CPSF4L: variants seen among roughly 807,000 people sequenced by gnomAD.
CPSF4L encodes cleavage and polyadenylation specific factor 4 like.
CPSF4L carries 18 observed loss-of-function variants against 24.0 expected under a neutral mutation model. The observed-to-expected ratio is 0.75, with a 90% CI of 0.52 to 1.11. The LOEUF (loss-of-function observed/expected upper bound fraction) is 1.11, where lower values mean the gene tolerates loss of function less well. Ranked by LOEUF, CPSF4L falls within the 50% of genes least tolerant of loss-of-function variation. The pLI is 0.00. For missense variants in CPSF4L, 211 were observed against 221.8 expected, an observed-to-expected ratio of 0.95 and a Z score of 0.31; for synonymous variants, 72 against 77.2, an observed-to-expected ratio of 0.93 and a Z score of 0.35.
intron 5 of CPSF4L, chr17:73,248,785 T>C (rs956565205): frequency 2.3e-5 from 10 of 438,714 alleles, no homozygotes; most frequent in African/African-American, 1.4e-4. Flanking sequence ...CTGAATAATA[T>C]CTGAAAGACT....
At chr17:73,245,378 G>A (rs117662504), downstream of CPSF4L, 17,049 of 1,294,082 alleles carry the variant, frequency 0.013, 131 homozygotes, top group Non-Finnish European at 0.015. Flanking sequence ...TATTAATATA[G>A]ACAGATCTGG....
At chr17:73,261,097 T>C in intron 1 of CPSF4L, 114 bp from the exon 2 acceptor site, 1 of 827,064 alleles carries the variant, frequency 1.2e-6, no homozygotes, top group East Asian at 2.8e-5. Flanking sequence ...CTCTGGCCTA[T>C]GGGATCCCAA....
upstream of CPSF4L, among the ~76,000 whole-genome samples, chr17:73,262,800 C>G (rs937131681): frequency 1.4e-4 from 21 of 152,310 alleles, no homozygotes; most frequent in Non-Finnish European, 2.8e-4. Context: ...ACCCATACGC[C>G]CTCCTTTCTG....
downstream of CPSF4L, chr17:73,248,345 A>G (rs2061980688): frequency 2.7e-6 from 2 of 732,292 alleles, no homozygotes; most frequent in Admixed American, 4.9e-5. Context: ...AGAGCCAAGG[A>G]AAGAAAAAGA....
downstream of CPSF4L, chr17:73,245,156 G>A (rs188075764): frequency 6.2e-7 from 1 of 1,613,612 alleles, no homozygotes. Flanking sequence ...ATTTGTCTCT[G>A]TTTATCCAAA....
At chr17:73,247,595 A>G (rs1419107297), downstream of CPSF4L, 1 of 415,380 alleles carries the variant, frequency 2.4e-6, no homozygotes, top group Non-Finnish European at 4.4e-6. Context: ...CCCTGAAAAT[A>G]AGTTATTTAA....
chr17:73,261,942 G>A, upstream of CPSF4L: 1 of 722,898 alleles, frequency 1.4e-6, no homozygotes, highest in Non-Finnish European at 2.4e-6. Flanking sequence ...GGGTGCCAGT[G>A]GCCAGGTGAC....
intron 5 of CPSF4L, chr17:73,248,871 AT>A (rs1355849277): frequency 3.8e-6 from 1 of 264,606 alleles, no homozygotes; most frequent in Admixed American, 5.2e-5. Flanking sequence ...AAATCATTTT[AT>A]TATCAGCAGA....
chr17:73,260,698 C>T (rs2062041742), intron 2 of CPSF4L, among the ~76,000 whole-genome samples: 1 of 152,166 alleles, frequency 6.6e-6, no homozygotes, highest in Non-Finnish European at 1.5e-5. Context: ...ACCCAGGAGG[C>T]AGAGGTTGCA....
At chr17:73,243,076 A>T in the CPSF4L span, 19 of 218,686 alleles carry the variant, frequency 8.7e-5, no homozygotes, top group Middle Eastern at 1.5e-3. Flanking sequence ...GGATTCTCTG[A>T]ATTTTTTTTT....
chr17:73,248,001 T>C (rs2061975529), downstream of CPSF4L: 1 of 154,816 alleles, frequency 6.5e-6, no homozygotes, highest in Admixed American at 6.4e-5. Flanking sequence ...ATGTTCAGAA[T>C]AGTTTAAGAG....
intron 2 of CPSF4L, among the ~76,000 whole-genome samples, chr17:73,260,208 GAGA>G (rs2062040002): frequency 1.3e-5 from 2 of 152,258 alleles, no homozygotes; most frequent in South Asian, 4.2e-4. Context: ...GGGACTGGGG[GAGA>G]AGGATGCCTC....
chr17:73,257,869 C>A (rs1437425193), intron 2 of CPSF4L, 36 bp from the exon 3 acceptor site: 1 of 1,548,416 alleles, frequency 6.5e-7, no homozygotes, highest in African/African-American at 1.4e-5. Flanking sequence ...GGAGGCCCCT[C>A]ATCCACAGCC....
chr17:73,261,892 C>A, upstream of CPSF4L: 2 of 1,126,422 alleles, frequency 1.8e-6, no homozygotes, highest in Non-Finnish European at 2.6e-6. Flanking sequence ...CATCAGAGGC[C>A]CTTAAGGGGC....
the CPSF4L span, chr17:73,242,754 C>A: frequency 1.6e-6 from 1 of 636,734 alleles, no homozygotes; most frequent in Non-Finnish European, 2.7e-6. Flanking sequence ...TGATGTTAGC[C>A]TTTATGTGTT....
chr17:73,253,201 A>G (rs1205360424), intron 4 of CPSF4L, among the ~76,000 whole-genome samples: 1 of 152,106 alleles, frequency 6.6e-6, no homozygotes, highest in African/African-American at 2.4e-5. Context: ...CTCTACTAAA[A>G]ATACAAAAAT....
At chr17:73,244,662 A>C (rs1208638217), downstream of CPSF4L, 2 of 152,150 alleles carry the variant, frequency 1.3e-5, no homozygotes, top group Non-Finnish European at 2.9e-5. Context: ...CAAGATAACG[A>C]TGAATTCTGA....
At position 73,253,991 on chromosome 17, in the gene CPSF4L, C is replaced by T. The variant is rs1457632022; in HGVS notation, c.343G>A (p.Val115Met). 5.8e-6 allele frequency: 9 copies of T among 1,551,584 alleles called. No homozygotes were observed. Among genetic ancestry groups the T allele is most frequent in the Non-Finnish European group, 7.8e-6 (9 of 1,146,992 alleles). The change falls in exon 4 of 6, where the codon GTG becomes ATG. Residue 115 changes from valine (V) to methionine (M), a missense_variant. Val to Met is a conservative substitution (Grantham distance 21). Transcript: ENST00000344935. ...TCCTGGGACTTGAAAGCTGGCTTCA[C>T]ATGGAGGAAGGAACACTCCTTGTTG... ...CSNKECSFLH[V>M]KPAFKSQDCP...
At chr17:73,262,597 A>G (rs941211003), upstream of CPSF4L, among the ~76,000 whole-genome samples, 1 of 152,160 alleles carries the variant, frequency 6.6e-6, no homozygotes, top group African/African-American at 2.4e-5. Flanking sequence ...TCTCTATGCA[A>G]ATGTTGTTTT....
Sources: gnomAD v4.1 joint callset for allele counts (sites outside exome capture counted in the v4.1 genomes callset) on GRCh38, gnomAD v4.1.1 for gene constraint, MANE v1.5 for transcripts, NCBI Gene and HGNC (gene_info 2026-07-23, HGNC 2026-07-21) for gene names.